Variants in PDE1C observed in about 807,000 individuals in gnomAD.
PDE1C encodes dual specificity calcium/calmodulin-dependent 3',5'-cyclic nucleotide phosphodiesterase 1C.
A neutral mutation model predicts 93.1 loss-of-function variants in PDE1C; 62 were observed. That is an observed-to-expected ratio of 0.67 (90% CI 0.54 to 0.82). The LOEUF (loss-of-function observed/expected upper bound fraction) is 0.82, where lower values mean the gene tolerates loss of function less well. Ranked by LOEUF, PDE1C falls within the 40% of genes least tolerant of loss-of-function variation. The pLI, the probability that PDE1C is intolerant of heterozygous loss-of-function variation, is 0.00. For missense variants in PDE1C, 742 were observed against 884.6 expected (o/e 0.84, Z 2.04); for synonymous variants, 325 against 310.1 (o/e 1.05, Z -0.50).
intron 8 of PDE1C, among the ~76,000 whole-genome samples, chr7:31,848,950 AG>A (rs1792973957): frequency 6.6e-6 from 1 of 152,302 alleles, no homozygotes; most frequent in Non-Finnish European, 1.5e-5. Flanking sequence ...CAAAGGATTA[AG>A]GGCCTGGTCA....
chr7:31,637,189 A>G, the PDE1C span, among the ~76,000 whole-genome samples: 48 of 152,046 alleles, frequency 3.2e-4, no homozygotes, highest in South Asian at 4.1e-4. Context: ...TAGTGCCGCA[A>G]TAAACATACG....
chr7:32,047,787 C>T (rs1045000926), intron 2 of PDE1C, among the ~76,000 whole-genome samples: 4 of 151,946 alleles, frequency 2.6e-5, no homozygotes, highest in African/African-American at 9.7e-5. Context: ...GCAAGAAAAG[C>T]GTAAACAAAT....
At chr7:32,045,945 G>A (rs989594761) in intron 2 of PDE1C, among the ~76,000 whole-genome samples, 4 of 152,158 alleles carry the variant, frequency 2.6e-5, no homozygotes, top group African/African-American at 9.7e-5. Context: ...CTGAACATGG[G>A]CAGGCCTGAC....
At chr7:32,282,368 C>T (rs1269903394) in intron 1 of PDE1C, among the ~76,000 whole-genome samples, 1 of 150,824 alleles carries the variant, frequency 6.6e-6, no homozygotes, top group Non-Finnish European at 1.5e-5. Flanking sequence ...CCCAGCTACT[C>T]GGGAGGCTGA....
At position 31,941,290 on chromosome 7, in the gene PDE1C, C is replaced by T. The variant is rs74669334; in HGVS notation, c.129-60430G>A. ...GGAGGGACCTGTTCACCAACACTGT[C>T]TTCACCCTAGGGTCAAGTCCATCAG... On this transcript the variant is annotated intron_variant, in intron 2 of 17. Transcript: ENST00000396191. The T allele has an allele frequency of 4.1e-3, 655 of 160,438 alleles. 2 individuals carry two copies. Among genetic ancestry groups the T allele is most frequent in the African/African-American group, 0.015 (628 of 41,678 alleles). 9.9% of individuals were successfully genotyped at this position (160,438 alleles called of 1,614,324 possible).
intron 1 of PDE1C, among the ~76,000 whole-genome samples, chr7:32,343,946 C>T (rs1251350153): frequency 1.3e-5 from 2 of 152,212 alleles, no homozygotes; most frequent in African/African-American, 4.8e-5. Flanking sequence ...TAACGACATG[C>T]TGAATTCCTT....
At chr7:31,947,354 C>T (rs1027574741) in intron 2 of PDE1C, among the ~76,000 whole-genome samples, 14 of 152,242 alleles carry the variant, frequency 9.2e-5, no homozygotes, top group African/African-American at 3.4e-4. Flanking sequence ...TAATGTTTGA[C>T]CAAATGTCTG....
chr7:32,334,420 G>C (rs1036447238), intron 1 of PDE1C, among the ~76,000 whole-genome samples: 2 of 151,890 alleles, frequency 1.3e-5, no homozygotes, highest in Non-Finnish European at 2.9e-5. Context: ...TGGCACATTC[G>C]TATAATGGAC....
At chr7:32,332,873 T>C (rs1783542329) in intron 1 of PDE1C, among the ~76,000 whole-genome samples, 1 of 152,136 alleles carries the variant, frequency 6.6e-6, no homozygotes, top group South Asian at 2.1e-4. Flanking sequence ...AGTTATACTT[T>C]TAGGGAGGAC....
chr7:31,791,999 G>T (rs1784639327), intron 16 of PDE1C, among the ~76,000 whole-genome samples: 1 of 152,042 alleles, frequency 6.6e-6, no homozygotes, highest in African/African-American at 2.4e-5. Context: ...GAAGGGAAAG[G>T]GTGAATAAAA....
chr7:32,392,095 A>G (rs1381623108), intron 1 of PDE1C, among the ~76,000 whole-genome samples: 1 of 152,122 alleles, frequency 6.6e-6, no homozygotes, highest in Non-Finnish European at 1.5e-5. Context: ...ACTATACAAA[A>G]AAAAGAAGAC....
intron 2 of PDE1C, among the ~76,000 whole-genome samples, chr7:32,184,272 A>T (rs1159104234): frequency 6.6e-6 from 1 of 152,212 alleles, no homozygotes; most frequent in East Asian, 1.9e-4. Flanking sequence ...TAGAAATACC[A>T]TTTGACCCAG....
chr7:31,714,146 C>G, the PDE1C span, among the ~76,000 whole-genome samples: 1 of 152,116 alleles, frequency 6.6e-6, no homozygotes, highest in Non-Finnish European at 1.5e-5. Flanking sequence ...TTAACAGCAC[C>G]CAAGTCACCC....
chr7:32,267,165 G>C (rs1357701098), intron 1 of PDE1C, among the ~76,000 whole-genome samples: 1 of 152,222 alleles, frequency 6.6e-6, no homozygotes, highest in Non-Finnish European at 1.5e-5. Context: ...CCTGTCGTTA[G>C]AGACCCGACC....
At chr7:32,230,026 G>C (rs753473809) in intron 1 of PDE1C, among the ~76,000 whole-genome samples, 2 of 152,226 alleles carry the variant, frequency 1.3e-5, no homozygotes, top group African/African-American at 2.4e-5. Flanking sequence ...AAGGGAAGGA[G>C]CGGGCAGCTC....
chr7:31,651,033 C>A, the PDE1C span: 2 of 1,226,334 alleles, frequency 1.6e-6, no homozygotes, highest in Admixed American at 2.3e-5. Context: ...AGCAGTAGGG[C>A]CTGTTTGCGA....
intron 11 of PDE1C, among the ~76,000 whole-genome samples, chr7:31,835,664 C>G (rs191041456): frequency 1.3e-5 from 2 of 151,872 alleles, no homozygotes; most frequent in African/African-American, 4.8e-5. Context: ...TCCCTCCCCC[C>G]GCTCCCCCAA....
chr7:32,243,830 A>G (rs377328453), intron 1 of PDE1C, among the ~76,000 whole-genome samples: 12 of 152,346 alleles, frequency 7.9e-5, no homozygotes, highest in African/African-American at 2.9e-4. Flanking sequence ...CAGTGCAGTA[A>G]GAGGACAAGA....
At chr7:31,974,014 G>A (rs569121918) in intron 2 of PDE1C, among the ~76,000 whole-genome samples, 1 of 152,220 alleles carries the variant, frequency 6.6e-6, no homozygotes, top group East Asian at 1.9e-4. Flanking sequence ...GCTCCTGTAG[G>A]CTTGGATATT....
Sources: gnomAD v4.1 joint callset for allele counts (sites outside exome capture counted in the v4.1 genomes callset) on GRCh38, gnomAD v4.1.1 for gene constraint, MANE v1.5 for transcripts, NCBI Gene and HGNC (gene_info 2026-07-23, HGNC 2026-07-21) for gene names.